Variants in NRP1 observed in about 807,000 individuals in gnomAD.
NRP1 encodes neuropilin-1.
A neutral mutation model predicts 106.7 loss-of-function variants in NRP1; 35 were observed. The observed-to-expected ratio is 0.33, with a 90% CI of 0.25 to 0.43. The LOEUF (loss-of-function observed/expected upper bound fraction) is 0.43, where lower values mean the gene tolerates loss of function less well. Ranked by LOEUF, NRP1 falls within the 20% of genes least tolerant of loss-of-function variation. The pLI is 1.00. For missense variants in NRP1, 1,024 were observed against 1,170.4 expected, an observed-to-expected ratio of 0.87 and a Z score of 1.83; for synonymous variants, 437 against 417.9, an observed-to-expected ratio of 1.05 and a Z score of -0.56.
intron 2 of NRP1, among the ~76,000 whole-genome samples, chr10:33,309,976 C>G (rs1277974482): frequency 6.8e-6 from 1 of 147,934 alleles, no homozygotes; most frequent in Non-Finnish European, 1.5e-5. Context: ...GAGACGGAGT[C>G]TCGCTCTGTC....
At chr10:33,287,572 T>A (rs1844664975) in intron 2 of NRP1, among the ~76,000 whole-genome samples, 1 of 152,250 alleles carries the variant, frequency 6.6e-6, no homozygotes, top group Non-Finnish European at 1.5e-5. Flanking sequence ...GGTGTCCTGT[T>A]ACACATGAGA....
At chr10:33,322,873 T>G (rs1218088573) in intron 2 of NRP1, among the ~76,000 whole-genome samples, 3 of 152,234 alleles carry the variant, frequency 2.0e-5, no homozygotes, top group Non-Finnish European at 2.9e-5. Context: ...TGGTAACGTT[T>G]CATGAGAATT....
In NRP1 at chr10:33,270,745, A is replaced by T. The variant is rs779102181; in HGVS notation, c.360T>A (p.Phe120Leu). 9 of 1,614,046 alleles carry T rather than the reference A, an allele frequency of 5.6e-6. No individual in the cohort carries two copies. Among genetic ancestry groups the T allele is most frequent in the Non-Finnish European group, 6.8e-6 (8 of 1,179,962 alleles). Residue 120 changes from phenylalanine (F) to leucine (L), a missense_variant, in exon 3 of 17, where the codon TTT (phenylalanine) becomes TTA (leucine). Physicochemically the swap from Phe to Leu is conservative, Grantham distance 22. Coordinates refer to ENST00000374867, the MANE Select transcript of NRP1 (RefSeq NM_003873.7). ...PPVVSSGPFL[F>L]IKFVSDYETH... ...TTTCGTAGTCAGAGACAAATTTGAT[A>T]AAAAGAAATGGCCCTGAAGACACAA...
At chr10:33,251,092 G>A (rs1489805797) in intron 6 of NRP1, among the ~76,000 whole-genome samples, 1 of 152,176 alleles carries the variant, frequency 6.6e-6, no homozygotes, top group African/African-American at 2.4e-5. Context: ...GGAGGGGCCT[G>A]GTGGGAGGTG....
intron 1 of NRP1, 58 bp from the exon 2 acceptor site, chr10:33,330,940 C>A: frequency 7.1e-7 from 1 of 1,413,202 alleles, no homozygotes; most frequent in East Asian, 2.3e-5. Flanking sequence ...GGTAATCTAG[C>A]TTTATATGTA....
At chr10:33,262,151 C>A (rs1228727398) in intron 4 of NRP1, among the ~76,000 whole-genome samples, 1 of 152,144 alleles carries the variant, frequency 6.6e-6, no homozygotes, top group East Asian at 1.9e-4. Context: ...GAAGAACTTC[C>A]AAGCCATCCT....
In NRP1 at chr10:33,330,777, G is replaced by A; in HGVS notation, c.179C>T (p.Ala60Val). 1 of 1,613,914 alleles carries A rather than the reference G, an allele frequency of 6.2e-7. No homozygotes were observed. Among genetic ancestry groups the A allele is most frequent in the Non-Finnish European group, 8.5e-7 (1 of 1,179,858 alleles). ...CATAATTCTCTGGTATGGGTCCGGA[G>A]CCTGAATCAGCCATTCGCATTTTTC... ...PSEKCEWLIQ[A>V]PDPYQRIMIN... The change falls in exon 2 of 17, where the codon GCT becomes GTT. Residue 60 changes from alanine to valine, a missense_variant. This residue lies in a region of NRP1 where 279 missense variants were observed against 327.4 expected (regional missense o/e 0.85). Transcript: ENST00000374867.
intron 2 of NRP1, among the ~76,000 whole-genome samples, chr10:33,321,863 A>G (rs1847535360): frequency 6.6e-6 from 1 of 152,180 alleles, no homozygotes; most frequent in African/African-American, 2.4e-5. Flanking sequence ...ATAGCAGTCT[A>G]TCATAGAAGC....
chr10:33,273,880 T>C (rs1355302778), intron 2 of NRP1, among the ~76,000 whole-genome samples: 1 of 152,066 alleles, frequency 6.6e-6, no homozygotes, highest in African/African-American at 2.4e-5. Context: ...AGGGTCTTTT[T>C]CTCTCTGCTC....
At chr10:33,222,116 A>G (rs1839294455) in intron 7 of NRP1, among the ~76,000 whole-genome samples, 1 of 152,246 alleles carries the variant, frequency 6.6e-6, no homozygotes, top group Non-Finnish European at 1.5e-5. Context: ...TATATGGATA[A>G]TATTGATTAA....
intron 2 of NRP1, among the ~76,000 whole-genome samples, chr10:33,313,933 GTTCCTTCCTTCC>G (rs370164824): frequency 8.6e-5 from 13 of 151,772 alleles, no homozygotes; most frequent in Admixed American, 5.9e-4. Context: ...TATTACGTAA[GTTCCTTCCTTCC>G]TTCCTTCCTT....
Position 33,270,706 on chromosome 10 carries a change from T to C in NRP1, c.399A>G (p.Gly133=), listed in dbSNP as rs767151518. The change falls in exon 3 of 17, where the codon GGA becomes GGG. Residue 133 remains glycine, a synonymous_variant. Coordinates refer to ENST00000374867, the MANE Select transcript of NRP1 (RefSeq NM_003873.7). Reference sequence around the variant, plus strand: ...TGAAAATTTCATAACGTATGGAAAATCCTGCACCATGTGTTTCGTAGTCAG... The same window carrying C: ...TGAAAATTTCATAACGTATGGAAAACCCTGCACCATGTGTTTCGTAGTCAG... ...FVSDYETHGA[G]FSIRYEIFKR... The C allele has an allele frequency of 1.2e-5, 19 of 1,613,688 alleles. No homozygotes were observed. The highest frequency in any genetic ancestry group is 1.4e-5 in the Non-Finnish European group (17 of 1,179,802).
intron 2 of NRP1, among the ~76,000 whole-genome samples, chr10:33,319,677 C>T (rs1236082930): frequency 1.3e-5 from 2 of 149,928 alleles, no homozygotes; most frequent in Non-Finnish European, 3.0e-5. Context: ...AGCTCTGCCT[C>T]GCGGGTTCAT....
chr10:33,218,733 G>A (rs1299494908), intron 8 of NRP1, among the ~76,000 whole-genome samples: 1 of 152,168 alleles, frequency 6.6e-6, no homozygotes, highest in Non-Finnish European at 1.5e-5. Context: ...GCCAAGTGAT[G>A]TGTTCAAGCA....
At chr10:33,268,854 A>G (rs1007372445) in intron 3 of NRP1, among the ~76,000 whole-genome samples, 2 of 152,184 alleles carry the variant, frequency 1.3e-5, no homozygotes, top group African/African-American at 4.8e-5. Flanking sequence ...ACTATTATCT[A>G]TACGAAAGGT....
chr10:33,256,496 T>C (rs1452921505), intron 4 of NRP1, 25 bp from the exon 5 acceptor site: 3 of 1,607,010 alleles, frequency 1.9e-6, no homozygotes, highest in Non-Finnish European at 2.6e-6. Context: ...ATACAGACGA[T>C]GTCAAAATGT....
intron 2 of NRP1, among the ~76,000 whole-genome samples, chr10:33,305,892 C>A (rs1489129434): frequency 6.6e-6 from 1 of 152,036 alleles, no homozygotes; most frequent in Admixed American, 6.5e-5. Context: ...CCTCAGCCTC[C>A]CGAGTAGCTG....
intron 2 of NRP1, among the ~76,000 whole-genome samples, chr10:33,291,180 G>C (rs1003074577): frequency 8.5e-5 from 13 of 152,142 alleles, no homozygotes; most frequent in African/African-American, 3.1e-4. Flanking sequence ...AAACTACCAA[G>C]TTCAAATTGT....
At position 33,262,958 on chromosome 10, in the gene NRP1, C is replaced by A. The variant is rs575828857; in HGVS notation, c.658+688G>T. Among the ~76,000 whole-genome samples the A allele has an allele frequency of 5.9e-5, 9 of 152,286 alleles. 1 individual carries two copies. The South Asian group carries it at 1.9e-3, about 32-fold the overall frequency. On this transcript the variant is annotated intron_variant, in intron 4 of 16. Transcript: ENST00000374867. ...AAGGGCAGCATCTTTCATTGTTTTG[C>A]TTACCCTGTGGCTAGGATGGTGCCT...
Sources: gnomAD v4.1 joint callset for allele counts (sites outside exome capture counted in the v4.1 genomes callset) on GRCh38, gnomAD v4.1.1 for gene constraint, gnomAD v4.1.1 regional missense constraint, MANE v1.5 for transcripts, NCBI Gene and HGNC (gene_info 2026-07-23, HGNC 2026-07-21) for gene names.